LARGE1: variants seen among roughly 807,000 people sequenced by gnomAD.
LARGE1 encodes LARGE xylosyl- and glucuronyltransferase 1.
Under a neutral mutation model 87.6 loss-of-function variants are expected in LARGE1, and 43 were observed. The ratio of observed to expected loss-of-function variants is 0.49; its 90% CI spans 0.38 to 0.63. LARGE1 has a LOEUF of 0.63. LARGE1 is among the 30% of genes least tolerant of loss of function. The pLI is 0.00. For synonymous variants in LARGE1, 434 were observed against 394.6 expected (o/e 1.10, Z -1.18); for missense variants, 802 against 1,000.2 (o/e 0.80, Z 2.67).
chr22:33,496,615 T>C (rs2070132761), intron 6 of LARGE1, among the ~76,000 whole-genome samples: 1 of 152,196 alleles, frequency 6.6e-6, no homozygotes, highest in African/African-American at 2.4e-5. Flanking sequence ...GTTTACGCTA[T>C]GTTGTTAGCA....
At chr22:33,325,145 G>C (rs1937128516) in intron 10 of LARGE1, among the ~76,000 whole-genome samples, 1 of 152,238 alleles carries the variant, frequency 6.6e-6, no homozygotes. Flanking sequence ...TAGTTGGTCA[G>C]CCTCTGGGCT....
chr22:33,637,550 A>T (rs2080304885), intron 3 of LARGE1, among the ~76,000 whole-genome samples: 1 of 152,148 alleles, frequency 6.6e-6, no homozygotes, highest in South Asian at 2.1e-4. Context: ...CAGCAGAAGT[A>T]ATGGTATAAG....
At chr22:33,840,746 C>T (rs2063257775) in intron 1 of LARGE1, among the ~76,000 whole-genome samples, 1 of 152,038 alleles carries the variant, frequency 6.6e-6, no homozygotes, top group African/African-American at 2.4e-5. Context: ...TCACGGCTCA[C>T]TGCAGCCTAA....
chr22:33,721,709 T>C (rs369216199), intron 2 of LARGE1, among the ~76,000 whole-genome samples: 2 of 152,098 alleles, frequency 1.3e-5, no homozygotes, highest in Admixed American at 6.5e-5. Context: ...ATGGTGCAGG[T>C]TAAAGGTATC....
Position 33,393,286 on chromosome 22 carries a change from C to G in LARGE1, c.893-8982G>C, listed in dbSNP as rs146318682. Among the ~76,000 whole-genome samples, 55 of 152,202 alleles carry G rather than the reference C, an allele frequency of 3.6e-4. 1 individual carries two copies. The East Asian group carries it at 9.1e-3, about 25-fold the overall frequency. ...TATTGACCTTGCTCCTATGGGGCTG[C>G]GGAAATATCCTAATTAATGGCTGTG... On this transcript the variant is annotated intron_variant, in intron 7 of 14. Transcript: ENST00000397394.
At chr22:33,093,598 C>T in the LARGE1 span, among the ~76,000 whole-genome samples, 348 of 152,126 alleles carry the variant, frequency 2.3e-3, 4 homozygotes, top group African/African-American at 8.1e-3. Context: ...GTAACAAAGT[C>T]CATCCAGGTG....
chr22:33,286,495 T>C (rs1931563600), intron 12 of LARGE1, among the ~76,000 whole-genome samples: 1 of 152,150 alleles, frequency 6.6e-6, no homozygotes, highest in Non-Finnish European at 1.5e-5. Context: ...CCAGCACCTA[T>C]GATGTGCCAG....
chr22:33,068,178 C>G, the LARGE1 span, among the ~76,000 whole-genome samples: 6 of 152,038 alleles, frequency 3.9e-5, no homozygotes, highest in African/African-American at 1.4e-4. Context: ...TAAAGCACAC[C>G]TGTGGTTGTG....
At chr22:33,812,279 G>C (rs1212277084) in intron 1 of LARGE1, among the ~76,000 whole-genome samples, 1 of 152,186 alleles carries the variant, frequency 6.6e-6, no homozygotes, top group Non-Finnish European at 1.5e-5. Context: ...ATTGGGAATT[G>C]TGCCTGGCCT....
At chr22:33,143,481 G>A in the LARGE1 span, among the ~76,000 whole-genome samples, 6 of 152,152 alleles carry the variant, frequency 3.9e-5, no homozygotes, top group Admixed American at 3.9e-4. Context: ...AATGCCCAGA[G>A]AGAGAGGAAA....
At chr22:33,818,598 C>G (rs185866783) in intron 1 of LARGE1, among the ~76,000 whole-genome samples, 3 of 152,264 alleles carry the variant, frequency 2.0e-5, no homozygotes, top group African/African-American at 7.2e-5. Flanking sequence ...AAAAGCCTAA[C>G]TTTTCCCTCC....
chr22:33,644,371 C>A (rs985905761), intron 3 of LARGE1, among the ~76,000 whole-genome samples: 1 of 152,136 alleles, frequency 6.6e-6, no homozygotes, highest in African/African-American at 2.4e-5. Flanking sequence ...CCTCTTCATG[C>A]TAAAAACACT....
chr22:33,596,598 C>T (rs9609838), intron 5 of LARGE1, among the ~76,000 whole-genome samples: 1 of 152,154 alleles, frequency 6.6e-6, no homozygotes, highest in Non-Finnish European at 1.5e-5. Context: ...GAAGAGCATA[C>T]ATCCATCAAC....
intron 6 of LARGE1, among the ~76,000 whole-genome samples, chr22:33,541,047 T>TGG (rs1408192370): frequency 9.2e-4 from 2 of 2,184 alleles, no homozygotes; most frequent in Non-Finnish European, 9.4e-4. Flanking sequence ...GCTGGGGTGG[T>TGG]GGGTTGCGGG....
At chr22:33,175,063 C>T (rs945820903) in intron 11 of LARGE1, among the ~76,000 whole-genome samples, 2 of 152,162 alleles carry the variant, frequency 1.3e-5, no homozygotes, top group Non-Finnish European at 1.5e-5. Context: ...CCCTGAGGAA[C>T]ATCGATGTGA....
Position 33,590,532 on chromosome 22 carries a change from C to G in LARGE1, c.615+13903G>C, listed in dbSNP as rs144205143. On this transcript the variant is annotated intron_variant, in intron 5 of 14. Transcript: ENST00000397394. Reference sequence around the variant, plus strand: ...CTTTATAAAACAATTTGATCGCCCTCGAAAATGCCCTGGTGTCCCTTGCTA... The same window carrying G: ...CTTTATAAAACAATTTGATCGCCCTGGAAAATGCCCTGGTGTCCCTTGCTA... 4.2e-3 allele frequency among the ~76,000 whole-genome samples: 646 copies of G among 152,318 alleles called. 4 individuals are homozygous for G. Among genetic ancestry groups the G allele is most frequent in the African/African-American group, 0.015 (608 of 41,562 alleles).
At chr22:33,919,768 G>A (rs1035334012) in intron 1 of LARGE1, among the ~76,000 whole-genome samples, 2 of 152,222 alleles carry the variant, frequency 1.3e-5, no homozygotes, top group Non-Finnish European at 2.9e-5. Flanking sequence ...CCAGCAGCCT[G>A]TGTGCCCAGA....
the LARGE1 span, among the ~76,000 whole-genome samples, chr22:33,115,222 C>G: frequency 1.3e-5 from 2 of 152,082 alleles, no homozygotes; most frequent in Non-Finnish European, 2.9e-5. Flanking sequence ...CAAAAATATT[C>G]CAGTTGCAGT....
chr22:33,694,905 T>G (rs1347372839), intron 2 of LARGE1, among the ~76,000 whole-genome samples: 3 of 152,192 alleles, frequency 2.0e-5, no homozygotes, highest in Non-Finnish European at 2.9e-5. Flanking sequence ...TGGGCTTATC[T>G]TTACAAAGTA....
Sources: gnomAD v4.1 joint callset for allele counts (sites outside exome capture counted in the v4.1 genomes callset) on GRCh38, gnomAD v4.1.1 for gene constraint, MANE v1.5 for transcripts, NCBI Gene and HGNC (gene_info 2026-07-23, HGNC 2026-07-21) for gene names.